POLA1: variants seen among roughly 807,000 people sequenced by gnomAD.
POLA1 encodes DNA polymerase alpha 1, catalytic subunit, also known as DNA polymerase alpha catalytic subunit.
In POLA1, 15 loss-of-function variants were observed where a neutral mutation model predicts 124.0. That is an observed-to-expected ratio of 0.12 (90% CI 0.08 to 0.19). The LOEUF is 0.19. Among genes scored for constraint, POLA1 ranks in the 10% least tolerant of loss-of-function variants. The pLI, the probability that POLA1 is intolerant of heterozygous loss-of-function variation, is 1.00. For missense variants in POLA1, 886 were observed against 1,103.4 expected, an observed-to-expected ratio of 0.80 and a Z score of 2.79; for synonymous variants, 408 against 389.4, an observed-to-expected ratio of 1.05 and a Z score of -0.56.
intron 26 of POLA1, among the ~76,000 whole-genome samples, chrX:24,764,042 T>C (rs989535659): frequency 1.8e-5 from 2 of 111,479 alleles, no homozygotes; most frequent in Non-Finnish European, 3.8e-5. Context: ...TGTCCCTGTT[T>C]TGCTTCTCCC....
intron 26 of POLA1, among the ~76,000 whole-genome samples, chrX:24,793,192 G>A (rs1198692488): frequency 1.9e-5 from 2 of 102,600 alleles, no homozygotes; most frequent in Non-Finnish European, 3.9e-5. Flanking sequence ...CAGGAGAATG[G>A]CTTGAACCCA....
intron 1 of POLA1, among the ~76,000 whole-genome samples, chrX:24,696,428 G>T (rs1928006621): frequency 8.9e-6 from 1 of 112,204 alleles, no homozygotes; most frequent in Non-Finnish European, 1.9e-5. Flanking sequence ...TGCTGACATT[G>T]TTGCCGGTTT....
intron 4 of POLA1, among the ~76,000 whole-genome samples, chrX:24,707,266 G>A (rs900803336): frequency 8.9e-6 from 1 of 112,204 alleles, no homozygotes; most frequent in African/African-American, 3.2e-5. Context: ...TTGAGTTTTT[G>A]TCAGCTGTAA....
At chrX:24,919,843 C>CTT (rs2047590234) in intron 35 of POLA1, among the ~76,000 whole-genome samples, 1 of 20,681 alleles carries the variant, frequency 4.8e-5, no homozygotes, top group Admixed American at 6.2e-4. Flanking sequence ...TTTTGTTTTT[C>CTT]TGTTTTTTTT....
chrX:24,832,130 C>T (rs1215068970), intron 32 of POLA1, among the ~76,000 whole-genome samples: 2 of 83,194 alleles, frequency 2.4e-5, no homozygotes, highest in Non-Finnish European at 5.4e-5. Context: ...GGGCCCACCA[C>T]GGAAGAGTTT....
At chrX:24,969,217 A>G (rs967680446) in intron 36 of POLA1, among the ~76,000 whole-genome samples, 2 of 110,912 alleles carry the variant, frequency 1.8e-5, no homozygotes, top group Non-Finnish European at 3.8e-5. Flanking sequence ...CAAAAAAAAA[A>G]AAAGAATCTG....
chrX:24,709,415 C>T (rs369878250), intron 4 of POLA1, among the ~76,000 whole-genome samples: 15 of 76,547 alleles, frequency 2.0e-4, no homozygotes, highest in African/African-American at 5.2e-4. Context: ...CCCTCCCGGA[C>T]GGCACGGCTG....
At chrX:24,729,892 C>T (rs1297043799) in intron 15 of POLA1, among the ~76,000 whole-genome samples, 1 of 110,368 alleles carries the variant, frequency 9.1e-6, no homozygotes, top group African/African-American at 3.3e-5. Flanking sequence ...GTGGCCTCTG[C>T]CTCCCAGGTT....
intron 35 of POLA1, among the ~76,000 whole-genome samples, chrX:24,890,151 G>A (rs959958538): frequency 3.8e-5 from 4 of 105,844 alleles, no homozygotes; most frequent in East Asian, 3.0e-4. Flanking sequence ...GCAATGGTGC[G>A]ATCTTGGCTC....
At chrX:24,742,194 T>C in intron 22 of POLA1, 73 bp downstream of exon 22, 1 of 895,388 alleles carries the variant, frequency 1.1e-6, no homozygotes. Flanking sequence ...GATAGCCTTT[T>C]TTTTCTGTGA....
intron 36 of POLA1, among the ~76,000 whole-genome samples, chrX:24,937,784 A>G (rs1308807370): frequency 8.9e-6 from 1 of 112,006 alleles, no homozygotes; most frequent in Non-Finnish European, 1.9e-5. Context: ...AGAAGCACTG[A>G]TCTAAGACAC....
chrX:24,984,322 T>C (rs2048454518), intron 36 of POLA1, among the ~76,000 whole-genome samples: 1 of 112,135 alleles, frequency 8.9e-6, no homozygotes, highest in Non-Finnish European at 1.9e-5. Context: ...ACCACAAGGT[T>C]ATGCATTTAT....
chrX:24,844,165 C>A (rs964092224), intron 34 of POLA1, among the ~76,000 whole-genome samples: 1 of 111,239 alleles, frequency 9.0e-6, no homozygotes, highest in Non-Finnish European at 1.9e-5. Flanking sequence ...TTGAGGAAAT[C>A]AAATATCTTT....
intron 36 of POLA1, among the ~76,000 whole-genome samples, chrX:24,962,540 C>T (rs1486526294): frequency 1.8e-5 from 2 of 111,552 alleles, no homozygotes; most frequent in Admixed American, 9.6e-5. Context: ...AAGGACTTTG[C>T]GTACATTTTG....
At chrX:24,823,777 A>T (rs2046129268) in intron 31 of POLA1, among the ~76,000 whole-genome samples, 1 of 112,348 alleles carries the variant, frequency 8.9e-6, no homozygotes, top group South Asian at 3.6e-4. Flanking sequence ...CCTATATCCT[A>T]AACAGGTTTT....
intron 32 of POLA1, among the ~76,000 whole-genome samples, chrX:24,839,087 C>T (rs1313405987): frequency 1.8e-5 from 2 of 111,884 alleles, no homozygotes; most frequent in Admixed American, 9.5e-5. Flanking sequence ...TTTAATTTAG[C>T]CCTCTGTGGT....
intron 36 of POLA1, among the ~76,000 whole-genome samples, chrX:24,952,047 G>C (rs770985199): frequency 9.0e-6 from 1 of 111,593 alleles, no homozygotes; most frequent in South Asian, 3.8e-4. Context: ...TGGTAACGAG[G>C]AGTCCTGAGT....
At chrX:24,766,124 A>T (rs1932899413) in intron 26 of POLA1, among the ~76,000 whole-genome samples, 1 of 112,325 alleles carries the variant, frequency 8.9e-6, no homozygotes, top group Non-Finnish European at 1.9e-5. Flanking sequence ...GATTGTCGTC[A>T]GTGTTTTACT....
intron 34 of POLA1, among the ~76,000 whole-genome samples, chrX:24,872,428 G>A (rs753364156): frequency 1.8e-5 from 2 of 111,703 alleles, no homozygotes; most frequent in Non-Finnish European, 3.8e-5. Flanking sequence ...TGGCTTAAAA[G>A]AAGACTTGGG....
Sources: gnomAD v4.1 joint callset for allele counts (sites outside exome capture counted in the v4.1 genomes callset) on GRCh38, gnomAD v4.1.1 for gene constraint, MANE v1.5 for transcripts, NCBI Gene and HGNC (gene_info 2026-07-23, HGNC 2026-07-21) for gene names.